The following PHLDB2 variants were observed in gnomAD, a reference collection of about 807,000 sequenced individuals.
PHLDB2 encodes the protein pleckstrin homology like domain family B member 2.
PHLDB2 carries 71 observed loss-of-function variants against 123.6 expected under a neutral mutation model. That is an observed-to-expected ratio of 0.57 (90% confidence interval 0.47 to 0.70). PHLDB2 has a LOEUF of 0.70. Among genes scored for constraint, PHLDB2 ranks in the 30% least tolerant of loss-of-function variants. The pLI is 0.00. For synonymous variants in PHLDB2, 547 were observed against 541.6 expected (o/e 1.01, Z -0.14); for missense variants, 1,446 against 1,519.5 (o/e 0.95, Z 0.80).
chr3:111,792,208 A>G (rs1455702550), intron 1 of PHLDB2, among the ~76,000 whole-genome samples: 2 of 152,176 alleles, frequency 1.3e-5, no homozygotes, highest in African/African-American at 2.4e-5. Context: ...GGTGACAAAT[A>G]TCTTCAGTTT....
At chr3:111,954,913 C>T (rs78617540) in intron 12 of PHLDB2, among the ~76,000 whole-genome samples, 8,326 of 152,112 alleles carry the variant, frequency 0.055, 739 homozygotes, top group African/African-American at 0.18. Context: ...CCTTCAAATA[C>T]ATTCATGCAG....
intron 1 of PHLDB2, among the ~76,000 whole-genome samples, chr3:111,820,611 A>G (rs1218176737): frequency 6.6e-6 from 1 of 152,204 alleles, no homozygotes; most frequent in Non-Finnish European, 1.5e-5. Context: ...CAGTGGCCCC[A>G]TGGCCACCTC....
Position 111,920,381 on chromosome 3 carries a change from G to A in PHLDB2, c.1963G>A (p.Ala655Thr), listed in dbSNP as rs1249062349. 15 of 1,613,788 alleles carry A rather than the reference G, an allele frequency of 9.3e-6. No homozygotes were observed. Among genetic ancestry groups the A allele is most frequent in the Non-Finnish European group, 1.3e-5 (15 of 1,179,910 alleles). Residue 655 changes from alanine to threonine, a missense_variant, in exon 5 of 18, where the codon GCT (alanine) becomes ACT (threonine). By Grantham distance (58) the Ala-to-Thr change is moderately conservative. Coordinates refer to ENST00000431670, the MANE Select transcript of PHLDB2 (RefSeq NM_001134438.2). ...EILDHLNRKIAELEKNIVGEK... is the reference protein window; with the variant it reads ...EILDHLNRKITELEKNIVGEK... ...TTTGGATCATCTAAACCGGAAAATA[G>A]CTGAACTGGAAAAGAACATTGTTGG...
intron 13 of PHLDB2, among the ~76,000 whole-genome samples, chr3:111,966,348 G>A (rs1265804538): frequency 6.6e-6 from 1 of 152,088 alleles, no homozygotes. Context: ...GCATTATTTT[G>A]CTTGCCTATA....
At chr3:111,734,758 A>G (rs1446806472) in intron 1 of PHLDB2, among the ~76,000 whole-genome samples, 2 of 152,104 alleles carry the variant, frequency 1.3e-5, no homozygotes, top group Non-Finnish European at 2.9e-5. Context: ...CTTGTTCCCA[A>G]CCCAGTGCAT....
At chr3:111,794,865 T>C (rs1017804030) in intron 1 of PHLDB2, among the ~76,000 whole-genome samples, 2 of 152,180 alleles carry the variant, frequency 1.3e-5, no homozygotes, top group Admixed American at 1.3e-4. Flanking sequence ...AAGCAGGGCC[T>C]ACAGCATGTA....
chr3:111,755,577 T>G (rs2107986902), intron 1 of PHLDB2, among the ~76,000 whole-genome samples: 1 of 148,334 alleles, frequency 6.7e-6, no homozygotes, highest in East Asian at 2.0e-4. Flanking sequence ...GGTCTATCAA[T>G]TTTGTTGATC....
chr3:111,839,325 G>A (rs2063562482), intron 1 of PHLDB2, among the ~76,000 whole-genome samples: 1 of 152,174 alleles, frequency 6.6e-6, no homozygotes, highest in Non-Finnish European at 1.5e-5. Flanking sequence ...TAATGTTAGT[G>A]TCAATGACAA....
intron 2 of PHLDB2, among the ~76,000 whole-genome samples, chr3:111,902,865 C>T (rs767090784): frequency 6.6e-6 from 1 of 152,210 alleles, no homozygotes; most frequent in Non-Finnish European, 1.5e-5. Flanking sequence ...TCTCTAACTC[C>T]TGGCCTCAAG....
intron 1 of PHLDB2, among the ~76,000 whole-genome samples, chr3:111,757,706 A>T (rs986921268): frequency 3.3e-5 from 5 of 151,946 alleles, no homozygotes; most frequent in African/African-American, 1.2e-4. Context: ...TTGTGGTTTT[A>T]TCTACTTTTT....
At chr3:111,824,627 C>T (rs1218004609) in intron 1 of PHLDB2, among the ~76,000 whole-genome samples, 1 of 152,164 alleles carries the variant, frequency 6.6e-6, no homozygotes, top group Admixed American at 6.5e-5. Flanking sequence ...CAGCTGGCAG[C>T]TGTGGGAAAC....
At position 111,945,270 on chromosome 3, in the gene PHLDB2, A is replaced by C; in HGVS notation, c.2400A>C (p.Glu800Asp). ...KNNLIMMLQR[E>D]KENLCNLEKK... The stretch of plus-strand genomic sequence containing the variant: ...TAATAGGTTTTGTATTCCTTCAGGA[A>C]AAGGAGAATCTTTGTAATTTGGAAA... Residue 800 changes from glutamate to aspartate, a missense_variant and splice_region_variant, in exon 9 of 18, where the codon GAA (glutamate) becomes GAC (aspartate). Glu to Asp is a conservative substitution (Grantham distance 45, BLOSUM62 2). This residue lies in a region of PHLDB2 where 594 missense variants were observed against 646.0 expected (regional missense o/e 0.92). Transcript: ENST00000431670. 6.2e-7 allele frequency: 1 copy of C among 1,603,788 alleles called. No homozygotes were observed. Among genetic ancestry groups the C allele is most frequent in the Non-Finnish European group, 8.5e-7 (1 of 1,172,218 alleles).
chr3:111,814,697 G>A (rs1032966262), intron 1 of PHLDB2, among the ~76,000 whole-genome samples: 4 of 151,836 alleles, frequency 2.6e-5, no homozygotes, highest in African/African-American at 9.7e-5. Flanking sequence ...TTTGAGACTG[G>A]GCATTTGCAT....
intron 1 of PHLDB2, among the ~76,000 whole-genome samples, chr3:111,797,973 A>G (rs760865952): frequency 6.6e-6 from 1 of 152,108 alleles, no homozygotes; most frequent in Non-Finnish European, 1.5e-5. Context: ...TCTCTATAAA[A>G]ACATAAGAAC....
intron 1 of PHLDB2, among the ~76,000 whole-genome samples, chr3:111,747,660 C>T (rs956259250): frequency 3.3e-5 from 5 of 152,118 alleles, no homozygotes; most frequent in African/African-American, 4.8e-5. Context: ...AAGCCTCTCC[C>T]GCAGGGAAGG....
intron 1 of PHLDB2, among the ~76,000 whole-genome samples, chr3:111,808,432 G>A (rs920418199): frequency 1.3e-5 from 2 of 151,652 alleles, no homozygotes; most frequent in African/African-American, 4.8e-5. Context: ...TCCACATCCT[G>A]TGCTGCCACT....
Position 111,952,621 on chromosome 3 carries a change from A to T in PHLDB2, c.2681A>T (p.Tyr894Phe), listed in dbSNP as rs1376882378. The T allele has an allele frequency of 6.2e-7, 1 of 1,613,950 alleles. No individual in the cohort carries two copies. The highest frequency in any genetic ancestry group is 1.1e-5 in the South Asian group (1 of 91,076). ...ERKKQHKEGLYLSDTLPRKKT... is the reference protein window; with the variant it reads ...ERKKQHKEGLFLSDTLPRKKT... Reference sequence around the variant, plus strand: ...AAAAAACAGCATAAAGAAGGCCTCTATCTGAGTGATACTTTGCCTCGAAAG... The same window carrying T: ...AAAAAACAGCATAAAGAAGGCCTCTTTCTGAGTGATACTTTGCCTCGAAAG... The change falls in exon 11 of 18, where the codon TAT becomes TTT. Residue 894 changes from tyrosine (Y) to phenylalanine (F), a missense_variant. This residue lies in a region of PHLDB2 where 594 missense variants were observed against 646.0 expected (regional missense o/e 0.92). Coordinates refer to ENST00000431670, the MANE Select transcript of PHLDB2 (RefSeq NM_001134438.2).
chr3:111,756,084 A>C (rs1442983175), intron 1 of PHLDB2, among the ~76,000 whole-genome samples: 2 of 152,100 alleles, frequency 1.3e-5, no homozygotes, highest in African/African-American at 2.4e-5. Context: ...CTATGTGGTC[A>C]ATTTTGGAAT....
chr3:111,851,536 G>A (rs1383057175), intron 2 of PHLDB2, among the ~76,000 whole-genome samples: 2 of 152,210 alleles, frequency 1.3e-5, no homozygotes, highest in African/African-American at 4.8e-5. Context: ...GTTCTCAGTT[G>A]AGCAGCCTCG....
Sources: allele counts gnomAD v4.1 joint callset (sites outside exome capture counted in the v4.1 genomes callset), GRCh38; gene constraint gnomAD v4.1.1; regional missense constraint gnomAD v4.1.1; transcripts MANE v1.5; gene names NCBI Gene and HGNC (gene_info 2026-07-23, HGNC 2026-07-21).